FAM193A: variants seen among roughly 807,000 people sequenced by gnomAD.
FAM193A encodes family with sequence similarity 193 member A.
In FAM193A, 22 loss-of-function variants were observed where a neutral mutation model predicts 126.5. The observed-to-expected ratio is 0.17, with a 90% CI of 0.12 to 0.25. FAM193A has a LOEUF of 0.25. Ranked by LOEUF, FAM193A falls within the 10% of genes least tolerant of loss-of-function variation. The pLI, the probability that FAM193A is intolerant of heterozygous loss-of-function variation, is 1.00. For synonymous variants in FAM193A, 761 were observed against 646.8 expected, an observed-to-expected ratio of 1.18 and a Z score of -2.68; for missense variants, 1,675 against 1,672.8, an observed-to-expected ratio of 1.00 and a Z score of -0.02.
At chr4:2,642,263 A>T (rs1414518962) in intron 6 of FAM193A, among the ~76,000 whole-genome samples, 1 of 151,916 alleles carries the variant, frequency 6.6e-6, no homozygotes, top group African/African-American at 2.4e-5. Context: ...AGATCACGCC[A>T]CTACACTCCA....
chr4:2,595,977 T>C (rs1740835819), intron 1 of FAM193A, 107 bp from the exon 2 acceptor site: 1 of 603,992 alleles, frequency 1.7e-6, no homozygotes, highest in African/African-American at 1.8e-5. Context: ...TATGTTTCTG[T>C]ATATAAACAT....
chr4:2,555,441 G>A (rs1293295929), intron 1 of FAM193A, among the ~76,000 whole-genome samples: 1 of 152,164 alleles, frequency 6.6e-6, no homozygotes, highest in East Asian at 1.9e-4. Flanking sequence ...CCAAATTCTA[G>A]ATAATATTGG....
In FAM193A at chr4:2,614,907, T is replaced by C. The variant is rs572134781; in HGVS notation, c.502-10355T>C. On this transcript the variant is annotated intron_variant, in intron 2 of 20. Transcript: ENST00000637812. Reference sequence around the variant, plus strand: ...TTCAGAATATTTATTACCTTTTTAATTTCCATAGGATCTCTAGTGATTGCT... The same window carrying C: ...TTCAGAATATTTATTACCTTTTTAACTTCCATAGGATCTCTAGTGATTGCT... 7.2e-4 allele frequency among the ~76,000 whole-genome samples: 109 copies of C among 152,370 alleles called. 1 individual carries two copies. The highest frequency in any genetic ancestry group is 3.3e-3 in the Admixed American group (50 of 15,300).
rs527558606 is a variant in FAM193A, at chr4:2,619,693, T to G, written c.502-5569T>G. Among the ~76,000 whole-genome samples the G allele has an allele frequency of 2.6e-5, 4 of 151,504 alleles. No individual in the cohort carries two copies. The East Asian group carries it at 7.8e-4, about 30-fold the overall frequency. ...CTGGGGAATTTCTTTCTTTCTTTCT[T>G]TTATTGTTTTGAGACAATGTCTCTC... On this transcript the variant is annotated intron_variant, in intron 2 of 20. Coordinates refer to ENST00000637812, the MANE Select transcript of FAM193A (RefSeq NM_001366318.2).
chr4:2,553,376 CTTTTTG>C (rs1263141945), intron 1 of FAM193A, among the ~76,000 whole-genome samples: 1 of 124,122 alleles, frequency 8.1e-6, no homozygotes, highest in African/African-American at 3.1e-5. Flanking sequence ...AATTTCCCTT[CTTTTTG>C]TTTTTTTTTT....
chr4:2,604,000 G>T (rs1049934289), intron 2 of FAM193A, among the ~76,000 whole-genome samples: 8 of 151,752 alleles, frequency 5.3e-5, no homozygotes, highest in African/African-American at 1.9e-4. Flanking sequence ...GTGTCACCAT[G>T]CCCAGCTAAT....
chr4:2,708,442 T>A (rs1309563231), intron 19 of FAM193A, among the ~76,000 whole-genome samples: 1 of 152,016 alleles, frequency 6.6e-6, no homozygotes, highest in South Asian at 2.1e-4. Context: ...AACTTTATTT[T>A]TTTATTTTTT....
intron 14 of FAM193A, 21 bp downstream of exon 14, chr4:2,689,725 T>C: frequency 6.5e-7 from 1 of 1,540,088 alleles, no homozygotes; most frequent in Non-Finnish European, 8.8e-7. Flanking sequence ...TGTTAAAACT[T>C]TCTTGAAGTT....
chr4:2,601,460 C>A (rs1475703269), intron 2 of FAM193A, among the ~76,000 whole-genome samples: 1 of 151,964 alleles, frequency 6.6e-6, no homozygotes, highest in Non-Finnish European at 1.5e-5. Context: ...TTCTCTAACT[C>A]CTGACCTCAG....
chr4:2,565,125 G>A (rs941916009), intron 1 of FAM193A, among the ~76,000 whole-genome samples: 1 of 151,854 alleles, frequency 6.6e-6, no homozygotes, highest in African/African-American at 2.4e-5. Flanking sequence ...ATAGGTGTTA[G>A]CCTGTTTTTT....
chr4:2,727,783 G>A (rs369912215), intron 20 of FAM193A, among the ~76,000 whole-genome samples: 10 of 152,154 alleles, frequency 6.6e-5, no homozygotes, highest in African/African-American at 2.4e-4. Context: ...CCCACAGATG[G>A]TGCCAGTGGG....
At chr4:2,718,695 C>T (rs1719802845) in intron 20 of FAM193A, among the ~76,000 whole-genome samples, 1 of 152,080 alleles carries the variant, frequency 6.6e-6, no homozygotes, top group Admixed American at 6.6e-5. Flanking sequence ...CATCTACCCT[C>T]CAACCTGGGT....
intron 1 of FAM193A, among the ~76,000 whole-genome samples, chr4:2,567,070 G>T (rs541881006): frequency 1.3e-5 from 2 of 151,420 alleles, no homozygotes; most frequent in South Asian, 4.2e-4. Context: ...CTCCCGAGTA[G>T]CCGGGACTAC....
chr4:2,673,333 C>T (rs1051208305), intron 13 of FAM193A, among the ~76,000 whole-genome samples: 1 of 152,174 alleles, frequency 6.6e-6, no homozygotes, highest in Non-Finnish European at 1.5e-5. Context: ...TTTCCAAACA[C>T]ATGTGTGTTT....
chr4:2,681,205 T>C (rs768733149), intron 13 of FAM193A, among the ~76,000 whole-genome samples: 3 of 152,114 alleles, frequency 2.0e-5, no homozygotes, highest in Non-Finnish European at 4.4e-5. Flanking sequence ...CATTTCTGAT[T>C]ATAGTAATTT....
At chr4:2,631,296 C>A in intron 5 of FAM193A, 127 bp downstream of exon 5, 1 of 791,116 alleles carries the variant, frequency 1.3e-6, no homozygotes, top group Non-Finnish European at 2.0e-6. Flanking sequence ...ATAGGCCCCT[C>A]TTCTCTACGG....
chr4:2,557,661 G>T (rs559875392), intron 1 of FAM193A, among the ~76,000 whole-genome samples: 1 of 152,066 alleles, frequency 6.6e-6, no homozygotes, highest in East Asian at 1.9e-4. Flanking sequence ...CAGTAAAATG[G>T]TTAACTTTTG....
intron 1 of FAM193A, among the ~76,000 whole-genome samples, chr4:2,577,411 G>GTTTTTTTTTGTT (rs1739651278): frequency 4.9e-5 from 5 of 101,860 alleles, no homozygotes; most frequent in African/African-American, 7.1e-5. Flanking sequence ...AATTAAAGTG[G>GTTTTTTTTTGTT]TTTTTTTTTT....
chr4:2,641,210 C>T (rs1560510452), intron 6 of FAM193A, among the ~76,000 whole-genome samples: 1 of 151,176 alleles, frequency 6.6e-6, no homozygotes. Context: ...CCACGCCTGG[C>T]TAATTTTTGT....
Sources: gnomAD v4.1 joint callset for allele counts (sites outside exome capture counted in the v4.1 genomes callset) on GRCh38, gnomAD v4.1.1 for gene constraint, MANE v1.5 for transcripts, NCBI Gene and HGNC (gene_info 2026-07-23, HGNC 2026-07-21) for gene names.